Variants in CCNT1 observed in about 807,000 individuals in gnomAD.
CCNT1 encodes the protein cyclin-T1.
Under a neutral mutation model 67.3 loss-of-function variants are expected in CCNT1, and 18 were observed. The observed-to-expected ratio is 0.27, with a 90% CI of 0.18 to 0.40. CCNT1 has a LOEUF of 0.40. CCNT1 is among the 10% of genes least tolerant of loss of function. The pLI, the probability that CCNT1 is intolerant of heterozygous loss-of-function variation, is 1.00. For missense variants in CCNT1, 744 were observed against 884.9 expected (o/e 0.84, Z 2.02); for synonymous variants, 333 against 310.3 (o/e 1.07, Z -0.77).
chr12:48,695,896 G>C (rs748708156), intron 7 of CCNT1, 67 bp from the exon 8 acceptor site: 139 of 1,511,718 alleles, frequency 9.2e-5, no homozygotes, highest in Non-Finnish European at 1.2e-4. Flanking sequence ...AGAATAACCT[G>C]AACTACTAAC....
chr12:48,707,002 G>A (rs1299965816), intron 2 of CCNT1, among the ~76,000 whole-genome samples: 7 of 152,074 alleles, frequency 4.6e-5, no homozygotes, highest in Non-Finnish European at 7.4e-5. Context: ...CCAGGAGTCC[G>A]AGACCAGCCT....
intron 5 of CCNT1, 67 bp from the exon 6 acceptor site, chr12:48,698,250 C>A: frequency 8.8e-7 from 1 of 1,135,302 alleles, no homozygotes; most frequent in Non-Finnish European, 1.3e-6. Context: ...TCATTCTCAA[C>A]AAATATTTAG....
At chr12:48,709,137 C>T (rs1344358839) in intron 2 of CCNT1, among the ~76,000 whole-genome samples, 1 of 152,082 alleles carries the variant, frequency 6.6e-6, no homozygotes, top group Non-Finnish European at 1.5e-5. Context: ...AAGTCAAAGA[C>T]TAAGGTTTTA....
chr12:48,705,955 T>C lies in CCNT1; in HGVS notation c.244-59A>G, dbSNP rs1250280760. ...CAATTTATTCATTCATAGAGTAAGG[T>C]AGATCTAAAGAGGAGCTAAGTCTCA... On this transcript the variant is annotated intron_variant, in intron 2 of 8. Coordinates refer to ENST00000261900, the MANE Select transcript of CCNT1 (RefSeq NM_001240.4). 9 of 1,519,502 alleles carry C rather than the reference T, an allele frequency of 5.9e-6. No individual in the cohort carries two copies. In the Admixed American group the frequency reaches 1.4e-4, roughly 23 times the overall value. 94.1% of individuals were successfully genotyped at this position (1,519,502 alleles called of 1,614,324 possible).
At chr12:48,704,529 G>A (rs1940324283) in intron 3 of CCNT1, among the ~76,000 whole-genome samples, 1 of 152,172 alleles carries the variant, frequency 6.6e-6, no homozygotes. Context: ...ACCTCAAGGT[G>A]GCCGGGCACA....
At chr12:48,701,873 T>C (rs61942057) in intron 3 of CCNT1, among the ~76,000 whole-genome samples, 3,098 of 152,186 alleles carry the variant, frequency 0.02, 56 homozygotes, top group Admixed American at 0.034. Flanking sequence ...CCCAAAGTGC[T>C]GGGATTACAG....
intron 2 of CCNT1, among the ~76,000 whole-genome samples, chr12:48,706,681 A>G (rs1387188680): frequency 6.6e-6 from 1 of 152,204 alleles, no homozygotes; most frequent in Non-Finnish European, 1.5e-5. Context: ...AGTGACTCAA[A>G]GATAGTAATG....
Position 48,693,605 on chromosome 12 carries a change from T to G in CCNT1, c.1609A>C (p.Thr537Pro), listed in dbSNP as rs376022118. The change falls in exon 9 of 9, where the codon ACT becomes CCT. Residue 537 changes from threonine (T) to proline (P), a missense_variant. Physicochemically the swap from Thr to Pro is conservative, Grantham distance 38. Coordinates refer to ENST00000261900, the MANE Select transcript of CCNT1 (RefSeq NM_001240.4). ...KHSHSQLPVG[T>P]GNKRPGDPKH... is the part of the protein sequence containing the mutation. ...GGATCACCAGGACGTTTGTTCCCAG[T>G]ACCAACTGGAAGTTGGGAATGAGAG... 5.0e-6 allele frequency: 8 copies of G among 1,614,190 alleles called. No homozygotes were observed. Among genetic ancestry groups the G allele is most frequent in the Non-Finnish European group, 6.8e-6 (8 of 1,180,022 alleles).
chr12:48,702,778 C>T (rs566112333), intron 3 of CCNT1, among the ~76,000 whole-genome samples: 4 of 151,778 alleles, frequency 2.6e-5, no homozygotes, highest in Admixed American at 6.6e-5. Flanking sequence ...GATCGCACCA[C>T]GGCACTCCGG....
At chr12:48,695,974 C>G (rs1324982239) in intron 7 of CCNT1, 25 bp downstream of exon 7, 2 of 1,612,276 alleles carry the variant, frequency 1.2e-6, no homozygotes, top group African/African-American at 2.7e-5. Flanking sequence ...AAGTGCTTTT[C>G]AAGGTCCCTT....
intron 2 of CCNT1, among the ~76,000 whole-genome samples, chr12:48,707,669 T>A (rs1367541264): frequency 6.8e-6 from 1 of 147,070 alleles, no homozygotes; most frequent in Non-Finnish European, 1.5e-5. Context: ...TATGTACCCA[T>A]GATAATTAAT....
In CCNT1 at chr12:48,691,545, A is replaced by C. The variant is rs528717959; in HGVS notation, c.*1488T>G. ...AATTCTTTCTAGCCAAGATTTTCTG[A>C]AAGATTTATTAAAAATGTTCACTCC... is the stretch of plus-strand genomic sequence containing the variant. On this transcript the variant is annotated 3_prime_UTR_variant, in exon 9 of 9. Coordinates refer to ENST00000261900, the MANE Select transcript of CCNT1 (RefSeq NM_001240.4). 6.6e-6 allele frequency: 1 copy of C among 152,210 alleles called. No homozygotes were observed. The allele number at this position is 152,210 out of a possible 1,614,324, so 9.4% of individuals were successfully genotyped here.
At chr12:48,697,313 A>C (rs1454126334) in intron 6 of CCNT1, among the ~76,000 whole-genome samples, 1 of 151,732 alleles carries the variant, frequency 6.6e-6, no homozygotes, top group Non-Finnish European at 1.5e-5. Flanking sequence ...TGAGGCCAGG[A>C]GTTTGAGACC....
At chr12:48,703,488 G>A (rs893855442) in intron 3 of CCNT1, among the ~76,000 whole-genome samples, 5 of 151,062 alleles carry the variant, frequency 3.3e-5, no homozygotes, top group African/African-American at 9.7e-5. Context: ...CAGGCAAATC[G>A]CTTGAACCCA....
At chr12:48,699,427 C>T (rs781336561) in intron 5 of CCNT1, among the ~76,000 whole-genome samples, 11 of 151,990 alleles carry the variant, frequency 7.2e-5, no homozygotes, top group Non-Finnish European at 1.3e-4. Context: ...CATGGAAAGT[C>T]CAAATAAATT....
At chr12:48,696,490 C>T (rs760827527) in intron 6 of CCNT1, among the ~76,000 whole-genome samples, 5 of 151,216 alleles carry the variant, frequency 3.3e-5, no homozygotes, top group Non-Finnish European at 5.9e-5. Flanking sequence ...GACTTCTGGG[C>T]CAGTATTCAA....
intron 3 of CCNT1, among the ~76,000 whole-genome samples, chr12:48,702,433 T>A (rs1163221238): frequency 1.3e-5 from 2 of 152,240 alleles, no homozygotes; most frequent in Non-Finnish European, 2.9e-5. Context: ...ACTTGAAATG[T>A]AGCTAAATTG....
At position 48,705,684 on chromosome 12, in the gene CCNT1, T is replaced by C. The variant is rs979446759; in HGVS notation, c.372+84A>G. On this transcript the variant is annotated intron_variant, in intron 3 of 8. Transcript: ENST00000261900. ...TAAAATTAAGTTGCATTGAAATACA[T>C]AAAGATCCAGGCATGCTTGGGAGTA... 5.5e-6 allele frequency: 6 copies of C among 1,081,228 alleles called. No individual in the cohort carries two copies. The African/African-American group carries it at 9.7e-5, about 18-fold the overall frequency. The allele number at this position is 1,081,228 out of a possible 1,614,324, so 67.0% of individuals were successfully genotyped here. A position where few individuals can be genotyped will look rare whatever the true frequency, so the allele number is the denominator to read the frequency against.
At chr12:48,695,632 C>T (rs1738960466) in intron 8 of CCNT1, 127 bp downstream of exon 8, 1 of 646,768 alleles carries the variant, frequency 1.5e-6, no homozygotes, top group Non-Finnish European at 2.8e-6. Flanking sequence ...AAGTAGAAGT[C>T]ATGATTACTG....
Sources: gnomAD v4.1 joint callset for allele counts (sites outside exome capture counted in the v4.1 genomes callset) on GRCh38, gnomAD v4.1.1 for gene constraint, MANE v1.5 for transcripts, NCBI Gene and HGNC (gene_info 2026-07-23, HGNC 2026-07-21) for gene names.